Variants in KIAA1671 observed in about 807,000 individuals in gnomAD.
The protein encoded by KIAA1671 is KIAA1671, also known as uncharacterized protein KIAA1671.
In KIAA1671, 52 loss-of-function variants were observed where a neutral mutation model predicts 131.2. The observed-to-expected ratio is 0.40, with a 90% confidence interval of 0.32 to 0.50. The LOEUF is 0.50. Among genes scored for constraint, KIAA1671 ranks in the 20% least tolerant of loss-of-function variants. KIAA1671 has a pLI of 0.73. For missense variants in KIAA1671, 2,360 were observed against 2,364.2 expected, an observed-to-expected ratio of 1.00 and a Z score of 0.04; for synonymous variants, 1,003 against 961.6, an observed-to-expected ratio of 1.04 and a Z score of -0.80.
At chr22:24,963,796 C>T (rs1007809171) in intron 1 of KIAA1671, among the ~76,000 whole-genome samples, 1 of 151,690 alleles carries the variant, frequency 6.6e-6, no homozygotes, top group Non-Finnish European at 1.5e-5. Flanking sequence ...AAAAATTAGC[C>T]GGGCGTGGTG....
At chr22:24,995,549 T>G (rs1235619913) in intron 1 of KIAA1671, among the ~76,000 whole-genome samples, 1 of 151,134 alleles carries the variant, frequency 6.6e-6, no homozygotes. Context: ...CTGTAGAGAC[T>G]GGGTTTCGCC....
At chr22:25,157,196 C>T (rs1933272336) in intron 6 of KIAA1671, among the ~76,000 whole-genome samples, 1 of 152,126 alleles carries the variant, frequency 6.6e-6, no homozygotes. Flanking sequence ...TCACTAGCCA[C>T]AAATGTTACA....
At chr22:24,961,202 A>G (rs1249535668) in intron 1 of KIAA1671, among the ~76,000 whole-genome samples, 3 of 151,956 alleles carry the variant, frequency 2.0e-5, no homozygotes, top group African/African-American at 7.3e-5. Context: ...ATTTTGCCAC[A>G]TTACCCAGGC....
At chr22:25,139,836 A>C (rs540363222) in intron 6 of KIAA1671, among the ~76,000 whole-genome samples, 5 of 152,298 alleles carry the variant, frequency 3.3e-5, no homozygotes, top group African/African-American at 1.2e-4. Context: ...AAAAGGAAGA[A>C]CATGCCAGAA....
At chr22:25,179,612 C>T in intron 9 of KIAA1671, 1 of 1,024,932 alleles carries the variant, frequency 9.8e-7, no homozygotes, top group Non-Finnish European at 1.4e-6. Context: ...CAGGGTGGCA[C>T]TCCCAAAAGT....
At chr22:24,968,209 G>A (rs918480228) in intron 1 of KIAA1671, among the ~76,000 whole-genome samples, 1 of 152,138 alleles carries the variant, frequency 6.6e-6, no homozygotes, top group Non-Finnish European at 1.5e-5. Flanking sequence ...GGGGGGCGGC[G>A]GGGCAGGGGA....
intron 7 of KIAA1671, among the ~76,000 whole-genome samples, chr22:25,171,891 T>C (rs1467046279): frequency 6.6e-6 from 1 of 152,140 alleles, no homozygotes; most frequent in Non-Finnish European, 1.5e-5. Flanking sequence ...ACAGTGATGA[T>C]GGCTCCACAA....
chr22:25,147,464 A>G (rs527770455), intron 6 of KIAA1671, among the ~76,000 whole-genome samples: 24 of 152,134 alleles, frequency 1.6e-4, no homozygotes, highest in Non-Finnish European at 1.8e-4. Context: ...CAGTGTTGGG[A>G]TTGTAGGTGT....
chr22:25,037,328 T>C (rs1364787050), intron 4 of KIAA1671, among the ~76,000 whole-genome samples: 1 of 152,070 alleles, frequency 6.6e-6, no homozygotes, highest in Non-Finnish European at 1.5e-5. Context: ...ATCACAAAAA[T>C]ATGTATATAT....
intron 6 of KIAA1671, among the ~76,000 whole-genome samples, chr22:25,140,523 T>A (rs1254392343): frequency 3.9e-5 from 6 of 152,146 alleles, no homozygotes; most frequent in Non-Finnish European, 8.8e-5. Context: ...CGCAGGGGAA[T>A]AACATCCCAT....
intron 1 of KIAA1671, among the ~76,000 whole-genome samples, chr22:25,021,606 A>G (rs934577669): frequency 6.6e-6 from 1 of 150,626 alleles, no homozygotes; most frequent in African/African-American, 2.4e-5. Flanking sequence ...ATAATTGTGT[A>G]TTGGAAGGAA....
At chr22:24,997,425 A>T (rs1037360744) in intron 1 of KIAA1671, among the ~76,000 whole-genome samples, 12 of 152,188 alleles carry the variant, frequency 7.9e-5, no homozygotes. Context: ...GACTTCTCCC[A>T]TGTCTTGCTT....
intron 1 of KIAA1671, among the ~76,000 whole-genome samples, chr22:24,955,304 G>A (rs907273891): frequency 2.0e-5 from 3 of 152,196 alleles, no homozygotes. Flanking sequence ...CATCCTTAAG[G>A]GGATACTTTA....
chr22:25,086,711 C>A (rs923002733), intron 6 of KIAA1671, among the ~76,000 whole-genome samples: 5 of 152,186 alleles, frequency 3.3e-5, no homozygotes, highest in Non-Finnish European at 5.9e-5. Context: ...AGGAAATCCC[C>A]CAAAGGCCGG....
At chr22:25,179,487 C>T (rs928989378) in intron 9 of KIAA1671, 70 of 1,612,658 alleles carry the variant, frequency 4.3e-5, no homozygotes, top group Non-Finnish European at 5.8e-5. Context: ...TCCTCCAGCG[C>T]CTTGTGCAGC....
intron 9 of KIAA1671, chr22:25,179,470 G>C: frequency 7.4e-6 from 12 of 1,613,322 alleles, no homozygotes; most frequent in Non-Finnish European, 1.0e-5. Flanking sequence ...GGCTGAAGTT[G>C]TTATTCTCCT....
chr22:25,083,202 TG>T (rs1199320348), intron 6 of KIAA1671, among the ~76,000 whole-genome samples: 1 of 152,188 alleles, frequency 6.6e-6, no homozygotes, highest in African/African-American at 2.4e-5. Flanking sequence ...TCTCTCTCCT[TG>T]GCTTGCAGAT....
intron 6 of KIAA1671, among the ~76,000 whole-genome samples, chr22:25,167,713 T>G (rs1933691624): frequency 6.6e-6 from 1 of 152,202 alleles, no homozygotes; most frequent in African/African-American, 2.4e-5. Flanking sequence ...CAGCTCTTAT[T>G]TGGGTCTATG....
At chr22:24,969,939 A>G (rs1922512596) in intron 1 of KIAA1671, among the ~76,000 whole-genome samples, 1 of 152,222 alleles carries the variant, frequency 6.6e-6, no homozygotes, top group African/African-American at 2.4e-5. Context: ...GGATTTAGAC[A>G]ACAGGCTTCA....
Sources: gnomAD v4.1 joint callset for allele counts (sites outside exome capture counted in the v4.1 genomes callset) on GRCh38, gnomAD v4.1.1 for gene constraint, MANE v1.5 for transcripts, NCBI Gene and HGNC (gene_info 2026-07-23, HGNC 2026-07-21) for gene names.